ZFC3H1: variants seen among roughly 807,000 people sequenced by gnomAD.
The protein encoded by ZFC3H1 is zinc finger C3H1 domain-containing protein.
A neutral mutation model predicts 243.7 loss-of-function variants in ZFC3H1; 71 were observed. The ratio of observed to expected loss-of-function variants is 0.29; its 90% confidence interval spans 0.24 to 0.36. The LOEUF (loss-of-function observed/expected upper bound fraction) is 0.36, where lower values mean the gene tolerates loss of function less well. Among genes scored for constraint, ZFC3H1 ranks in the 10% least tolerant of loss-of-function variants. ZFC3H1 has a pLI of 1.00. For missense variants in ZFC3H1, 1,966 were observed against 2,317.1 expected, an observed-to-expected ratio of 0.85 and a Z score of 3.11; for synonymous variants, 838 against 813.0, an observed-to-expected ratio of 1.03 and a Z score of -0.52.
At position 71,657,133 on chromosome 12, in the gene ZFC3H1, T is replaced by C. The variant is rs757607912; in HGVS notation, c.767A>G (p.Asn256Ser). 6 of 1,613,886 alleles carry C rather than the reference T, an allele frequency of 3.7e-6. No homozygotes were observed. The African/African-American group carries it at 5.3e-5, about 14-fold the overall frequency. The change falls in exon 2 of 35, where the codon AAT becomes AGT. Residue 256 changes from asparagine to serine, a missense_variant. This residue lies in a region of ZFC3H1 where 484 missense variants were observed against 449.7 expected (regional missense o/e 1.08). Transcript: ENST00000378743. Reference sequence around the variant, plus strand: ...CAATGTTTTAGGATCTTCCTGCACATTCTCTTCTTTGCTACTCAATGCTAG... The same window carrying C: ...CAATGTTTTAGGATCTTCCTGCACACTCTCTTCTTTGCTACTCAATGCTAG... ...EKLALSSKEE[N>S]VQEDPKTLNF...
In ZFC3H1 at chr12:71,663,767, G is replaced by A. The variant is rs764123556; in HGVS notation, c.-157C>T. On this transcript the variant is annotated 5_prime_UTR_variant, in exon 1 of 35. Coordinates refer to ENST00000378743, the MANE Select transcript of ZFC3H1 (RefSeq NM_144982.5). ...TGCTCCCCAACTTCCCCGCACCCCA[G>A]CACCCCAGCTCTCTCTCGCCGGACC... is the stretch of plus-strand genomic sequence containing the variant. 2.9e-4 allele frequency: 236 copies of A among 800,658 alleles called. No individual in the cohort carries two copies. The highest frequency in any genetic ancestry group is 1.3e-4 in the Non-Finnish European group (69 of 512,308). 49.6% of individuals were successfully genotyped at this position (800,658 alleles called of 1,614,324 possible).
At position 71,660,966 on chromosome 12, in the gene ZFC3H1, A is replaced by T. The variant is rs1034012398; in HGVS notation, c.598+2047T>A. ...CGTCTCCCCAAAAAAAAATTTTTTTAAATAAATTTAATAAAAATTTTTTTT... is the reference window on the plus strand; with the variant it reads ...CGTCTCCCCAAAAAAAAATTTTTTTTAATAAATTTAATAAAAATTTTTTTT... On this transcript the variant is annotated intron_variant, in intron 1 of 34. Coordinates refer to ENST00000378743, the MANE Select transcript of ZFC3H1 (RefSeq NM_144982.5). Among the ~76,000 whole-genome samples the T allele has an allele frequency of 2.6e-5, 4 of 151,730 alleles. No individual in the cohort carries two copies. The East Asian group carries it at 5.8e-4, about 22-fold the overall frequency.
intron 32 of ZFC3H1, 81 bp from the exon 33 acceptor site, chr12:71,611,178 C>A: frequency 7.3e-7 from 1 of 1,371,664 alleles, no homozygotes; most frequent in Non-Finnish European, 9.7e-7. Flanking sequence ...GAAACACCAC[C>A]ACTGGCAGAA....
At chr12:71,662,883 A>AT in intron 1 of ZFC3H1, 130 bp downstream of exon 1, 2 of 953,092 alleles carry the variant, frequency 2.1e-6, no homozygotes, top group East Asian at 4.8e-5. Context: ...AGAACAACTT[A>AT]AAGTATACTG....
At chr12:71,650,934 T>G (rs1880868193) in intron 2 of ZFC3H1, among the ~76,000 whole-genome samples, 1 of 152,216 alleles carries the variant, frequency 6.6e-6, no homozygotes, top group Non-Finnish European at 1.5e-5. Flanking sequence ...TCTCCCATTA[T>G]TCATTCCCCT....
intron 21 of ZFC3H1, among the ~76,000 whole-genome samples, chr12:71,626,971 G>T (rs1880185422): frequency 6.6e-6 from 1 of 152,032 alleles, no homozygotes; most frequent in South Asian, 2.1e-4. Flanking sequence ...AAATGAGTCA[G>T]AAAAGAAAAC....
chr12:71,618,249 A>G (rs1056673317), intron 27 of ZFC3H1, among the ~76,000 whole-genome samples: 3 of 151,856 alleles, frequency 2.0e-5, no homozygotes, highest in Non-Finnish European at 4.4e-5. Flanking sequence ...TGGGAGACAG[A>G]GCAAGATTCC....
intron 1 of ZFC3H1, chr12:71,660,528 T>C (rs955691887): frequency 7.2e-5 from 11 of 152,022 alleles, no homozygotes; most frequent in African/African-American, 2.4e-4. Flanking sequence ...TTTTTTTTTT[T>C]TGCAACATCA....
At chr12:71,618,780 T>C (rs1291846887) in intron 27 of ZFC3H1, among the ~76,000 whole-genome samples, 3 of 152,132 alleles carry the variant, frequency 2.0e-5, no homozygotes, top group Non-Finnish European at 4.4e-5. Context: ...ACTGTTGGAA[T>C]AGGAACTCTC....
At chr12:71,630,171 C>T (rs1880286787) in intron 18 of ZFC3H1, among the ~76,000 whole-genome samples, 2 of 152,160 alleles carry the variant, frequency 1.3e-5, no homozygotes, top group African/African-American at 4.8e-5. Flanking sequence ...TTGGAAACAA[C>T]AGCCATCGTA....
chr12:71,656,003 T>C (rs1881008299), intron 2 of ZFC3H1, among the ~76,000 whole-genome samples: 1 of 152,150 alleles, frequency 6.6e-6, no homozygotes, highest in Non-Finnish European at 1.5e-5. Context: ...TTCAAACACA[T>C]TATGCTCAAT....
chr12:71,629,716 A>G lies in ZFC3H1; in HGVS notation c.3725-6T>C, dbSNP rs1880272642. On this transcript the variant is annotated splice_region_variant and splice_polypyrimidine_tract_variant and intron_variant, in intron 18 of 34. Coordinates refer to ENST00000378743, the MANE Select transcript of ZFC3H1 (RefSeq NM_144982.5). ...AAGTTTCTCAACATATTTTTCTGAA[A>G]TAAGAGCAATGCAATCTTCATGATA... 2.0e-6 allele frequency: 3 copies of G among 1,537,330 alleles called. No individual in the cohort carries two copies. Among genetic ancestry groups the G allele is most frequent in the Non-Finnish European group, 1.8e-6 (2 of 1,111,558 alleles).
In ZFC3H1 at chr12:71,632,964, A is replaced by G. The variant is rs780432908; in HGVS notation, c.2739T>C (p.Tyr913=). ...CCTTTGCCCGAGCAAGCTCTTCTCC[A>G]TATTTTAGAGTCAAAGCTTTCTTAA... ...VTIKKALTLK[Y]GEELARAKAV... is the part of the protein sequence containing the mutation. Residue 913 remains tyrosine (Y), a synonymous_variant, in exon 14 of 35, where the codon TAT becomes TAC. Coordinates refer to ENST00000378743, the MANE Select transcript of ZFC3H1 (RefSeq NM_144982.5). 4.5e-5 allele frequency: 73 copies of G among 1,613,310 alleles called. No individual in the cohort carries two copies. Among genetic ancestry groups the G allele is most frequent in the Non-Finnish European group, 5.8e-5 (68 of 1,179,812 alleles).
At chr12:71,644,056 T>TA (rs1180455528) in intron 5 of ZFC3H1, 39 bp downstream of exon 5, 6 of 1,541,830 alleles carry the variant, frequency 3.9e-6, no homozygotes, top group Non-Finnish European at 3.6e-6. Context: ...TAAGGAAACT[T>TA]AGAGTAACGT....
Position 71,612,591 on chromosome 12 carries a change from T to C in ZFC3H1, c.5628-704A>G, listed in dbSNP as rs983486881. On this transcript the variant is annotated intron_variant, in intron 31 of 34. Coordinates refer to ENST00000378743, the MANE Select transcript of ZFC3H1 (RefSeq NM_144982.5). ...CTTTAGTTTTTAAACTTTTATACGA[T>C]TTTCCCCACATACATGCTAAATGAA... 1.2e-4 allele frequency among the ~76,000 whole-genome samples: 19 copies of C among 152,264 alleles called. 1 individual carries two copies. The highest frequency in any genetic ancestry group is 9.8e-4 in the Admixed American group (15 of 15,284).
chr12:71,619,631 C>G (rs1879975860), intron 26 of ZFC3H1, among the ~76,000 whole-genome samples: 1 of 152,020 alleles, frequency 6.6e-6, no homozygotes, highest in Non-Finnish European at 1.5e-5. Flanking sequence ...CTAGTATTAC[C>G]ACAGGCTCAT....
In ZFC3H1 at chr12:71,624,093, C is replaced by G; in HGVS notation, c.4506+11G>C. 1 of 1,606,484 alleles carries G rather than the reference C, an allele frequency of 6.2e-7. No individual in the cohort carries two copies. The highest frequency in any genetic ancestry group is 8.5e-7 in the Non-Finnish European group (1 of 1,176,878). ...TGCAAAATGCAATTAAATGCTGTACCAAGTGCTTACCTGTAAAATTGCCAG... is the reference window on the plus strand; with the variant it reads ...TGCAAAATGCAATTAAATGCTGTACGAAGTGCTTACCTGTAAAATTGCCAG... On this transcript the variant is annotated intron_variant, in intron 23 of 34. Coordinates refer to ENST00000378743, the MANE Select transcript of ZFC3H1 (RefSeq NM_144982.5).
rs2137572787 is a variant in ZFC3H1, at chr12:71,663,816, A to G, written c.-206T>C. The G allele has an allele frequency of 1.7e-6, 1 of 602,544 alleles. No homozygotes were observed. Among genetic ancestry groups the G allele is most frequent in the Middle Eastern group, 4.5e-4 (1 of 2,232 alleles). 37.3% of individuals were successfully genotyped at this position (602,544 alleles called of 1,614,324 possible). On this transcript the variant is annotated 5_prime_UTR_variant, in exon 1 of 35. Transcript: ENST00000378743. Reference sequence around the variant, plus strand: ...CCGTCGCAACCCAGTTCCCTTTCCTAGCGCCCCCTTGCTCCTCAGCGATCG... The same window carrying G: ...CCGTCGCAACCCAGTTCCCTTTCCTGGCGCCCCCTTGCTCCTCAGCGATCG...
intron 1 of ZFC3H1, among the ~76,000 whole-genome samples, chr12:71,657,556 ATCCACAGACAG>A (rs1446452990): frequency 6.6e-6 from 1 of 152,228 alleles, no homozygotes; most frequent in African/African-American, 2.4e-5. Flanking sequence ...TACCAGTAGT[ATCCACAGACAG>A]TCCACCTAGT....
Sources: allele counts gnomAD v4.1 joint callset (sites outside exome capture counted in the v4.1 genomes callset), GRCh38; gene constraint gnomAD v4.1.1; regional missense constraint gnomAD v4.1.1; transcripts MANE v1.5; gene names NCBI Gene and HGNC (gene_info 2026-07-23, HGNC 2026-07-21).